The following KANK1 variants were observed in gnomAD, a reference collection of about 807,000 sequenced individuals.
The protein encoded by KANK1 is KN motif and ankyrin repeat domains 1, also known as KN motif and ankyrin repeat domain-containing protein 1.
A neutral mutation model predicts 106.2 loss-of-function variants in KANK1; 109 were observed. The observed-to-expected ratio is 1.03, with a 90% CI of 0.88 to 1.20. The LOEUF (loss-of-function observed/expected upper bound fraction) is 1.20. Among genes scored for constraint, KANK1 ranks in the 50% most tolerant of loss-of-function variants. The probability of loss-of-function intolerance (pLI) is 0.00; values close to 1 mark genes in which losing one functional copy is unlikely to be tolerated. For synonymous variants in KANK1, 873 were observed against 652.2 expected (o/e 1.34, Z -5.16); for missense variants, 2,399 against 1,710.7 (o/e 1.40, Z -7.10).
chr9:598,694 G>A lies in KANK1; in HGVS notation c.-83-78196G>A, dbSNP rs187346710. Among the ~76,000 whole-genome samples, 779 of 120,328 alleles carry A rather than the reference G, an allele frequency of 6.5e-3. 5 individuals carry two copies. Among genetic ancestry groups the A allele is most frequent in the Non-Finnish European group, 9.6e-3 (601 of 62,556 alleles). 78.9% of individuals were successfully genotyped at this position (120,328 alleles called of 152,430 possible). On this transcript the variant is annotated intron_variant, in intron 1 of 11. Coordinates refer to ENST00000382297, the MANE Select transcript of KANK1 (RefSeq NM_015158.5). The stretch of plus-strand genomic sequence containing the variant: ...TGCCCAGGCTGGAGTGCGGTGGCAC[G>A]ACCTCGGCTCACTGCAACCTCCTCC...
rs571278577 is a variant in KANK1 at position 672,304 on chromosome 9, G to A, written c.-83-4586G>A. ...GTGAAGTTTAAACAAGGTAATAACT[G>A]TTAAGTGTTTTTAAAAGTCCCTTGA... On this transcript the variant is annotated intron_variant, in intron 1 of 11. Transcript: ENST00000382297. 4.6e-5 allele frequency among the ~76,000 whole-genome samples: 7 copies of A among 150,670 alleles called. No individual in the cohort carries two copies. The East Asian group carries it at 5.8e-4, about 12-fold the overall frequency.
At chr9:672,651 T>G (rs1237642077) in intron 1 of KANK1, among the ~76,000 whole-genome samples, 1 of 152,188 alleles carries the variant, frequency 6.6e-6, no homozygotes, top group Non-Finnish European at 1.5e-5. Flanking sequence ...TCTAACTACT[T>G]GTTTGCATTG....
At chr9:534,447 G>T (rs1203896951) in intron 1 of KANK1, among the ~76,000 whole-genome samples, 1 of 152,168 alleles carries the variant, frequency 6.6e-6, no homozygotes, top group African/African-American at 2.4e-5. Flanking sequence ...AGGACCTAAG[G>T]AGATTTTCTC....
At chr9:687,656 C>T (rs1818876029) in intron 2 of KANK1, among the ~76,000 whole-genome samples, 2 of 152,118 alleles carry the variant, frequency 1.3e-5, no homozygotes, top group African/African-American at 2.4e-5. Flanking sequence ...GATATCTTTC[C>T]CATATCTATT....
chr9:573,039 G>C (rs948910328), intron 1 of KANK1, among the ~76,000 whole-genome samples: 1 of 152,084 alleles, frequency 6.6e-6, no homozygotes, highest in Non-Finnish European at 1.5e-5. Context: ...ATTTGAGCTG[G>C]TGTAAATTGT....
At chr9:659,971 A>C (rs10975614) in intron 1 of KANK1, 1,957 of 188,538 alleles carry the variant, frequency 0.01, 55 homozygotes, top group African/African-American at 0.044. Context: ...ATTTCCACTG[A>C]GGAAAAACAA....
chr9:581,231 C>T (rs1021319238), intron 1 of KANK1, among the ~76,000 whole-genome samples: 21 of 152,200 alleles, frequency 1.4e-4, no homozygotes, highest in Admixed American at 2.6e-4. Flanking sequence ...CACAGTGCAG[C>T]GGCGGGCTGA....
chr9:602,813 C>A (rs1054773491), intron 1 of KANK1, among the ~76,000 whole-genome samples: 1 of 151,936 alleles, frequency 6.6e-6, no homozygotes, highest in South Asian at 2.1e-4. Context: ...GCTTTTAGTT[C>A]TTGCAAAATA....
intron 1 of KANK1, among the ~76,000 whole-genome samples, chr9:568,727 C>T (rs879327336): frequency 1.3e-5 from 2 of 152,106 alleles, no homozygotes; most frequent in African/African-American, 2.4e-5. Context: ...TCCTGGCCTC[C>T]CACCTTAACC....
At chr9:629,536 A>G (rs961861295) in intron 1 of KANK1, among the ~76,000 whole-genome samples, 8 of 152,228 alleles carry the variant, frequency 5.3e-5, no homozygotes, top group African/African-American at 1.9e-4. Context: ...TAACTTAACT[A>G]TTCTCCTGCC....
chr9:618,454 C>T (rs897882137), intron 1 of KANK1, among the ~76,000 whole-genome samples: 3 of 152,106 alleles, frequency 2.0e-5, no homozygotes, highest in Admixed American at 2.0e-4. Context: ...GTGATCTGCC[C>T]ACCTCAGCCT....
chr9:543,743 T>A (rs2060757068), intron 1 of KANK1, among the ~76,000 whole-genome samples: 1 of 152,128 alleles, frequency 6.6e-6, no homozygotes, highest in Non-Finnish European at 1.5e-5. Context: ...AAGTTTCCAC[T>A]TGAAAAAACA....
intron 1 of KANK1, among the ~76,000 whole-genome samples, chr9:567,338 T>A (rs1818052310): frequency 6.6e-6 from 1 of 152,226 alleles, no homozygotes. Flanking sequence ...CTTAGCAGAA[T>A]TCAGGCCCTT....
intron 2 of KANK1, among the ~76,000 whole-genome samples, chr9:708,340 T>C (rs1404071162): frequency 2.6e-5 from 4 of 152,148 alleles, no homozygotes; most frequent in Non-Finnish European, 5.9e-5. Context: ...AGATGAAAGT[T>C]AAAAGGGAAA....
At chr9:585,826 G>C (rs1435868047) in intron 1 of KANK1, among the ~76,000 whole-genome samples, 2 of 152,164 alleles carry the variant, frequency 1.3e-5, no homozygotes, top group Non-Finnish European at 2.9e-5. Flanking sequence ...AAAATGATCA[G>C]ACTAATCTGA....
intron 1 of KANK1, among the ~76,000 whole-genome samples, chr9:661,315 C>CG (rs1347786286): frequency 3.3e-5 from 5 of 150,636 alleles, no homozygotes; most frequent in South Asian, 2.2e-4. Flanking sequence ...TGATGTTCAC[C>CG]GCCCTGTGTC....
intron 1 of KANK1, among the ~76,000 whole-genome samples, chr9:530,886 G>T (rs968461020): frequency 1.3e-5 from 2 of 152,168 alleles, no homozygotes; most frequent in Non-Finnish European, 2.9e-5. Flanking sequence ...TACTTGGCAG[G>T]CTGAGGCTGC....
At chr9:573,982 G>A (rs1215229439) in intron 1 of KANK1, among the ~76,000 whole-genome samples, 2 of 152,244 alleles carry the variant, frequency 1.3e-5, no homozygotes, top group Non-Finnish European at 2.9e-5. Flanking sequence ...AGCCAACCAG[G>A]AGATTAATGG....
chr9:503,547 C>T (rs1427768984), upstream of KANK1, among the ~76,000 whole-genome samples: 1 of 152,212 alleles, frequency 6.6e-6, no homozygotes, highest in Non-Finnish European at 1.5e-5. Flanking sequence ...AGTTTGATGG[C>T]TCTTCACTTG....
Sources: allele counts gnomAD v4.1 joint callset (sites outside exome capture counted in the v4.1 genomes callset), GRCh38; gene constraint gnomAD v4.1.1; transcripts MANE v1.5; gene names NCBI Gene and HGNC (gene_info 2026-07-23, HGNC 2026-07-21).